Variants in SH3PXD2A observed in about 807,000 individuals in gnomAD.
SH3PXD2A encodes the protein SH3 and PX domain-containing protein 2A.
SH3PXD2A carries 32 observed loss-of-function variants against 115.2 expected under a neutral mutation model. The observed-to-expected ratio is 0.28, with a 90% CI of 0.21 to 0.37. SH3PXD2A has a LOEUF of 0.37. SH3PXD2A is among the 10% of genes least tolerant of loss of function. SH3PXD2A has a pLI of 1.00. For synonymous variants in SH3PXD2A, 610 were observed against 629.1 expected (o/e 0.97, Z 0.45); for missense variants, 1,328 against 1,498.7 (o/e 0.89, Z 1.88).
intron 2 of SH3PXD2A, among the ~76,000 whole-genome samples, chr10:103,785,525 A>G (rs1355103312): frequency 6.6e-6 from 1 of 152,140 alleles, no homozygotes; most frequent in African/African-American, 2.4e-5. Context: ...GGCCCAGGGA[A>G]GGGAGGAAGC....
chr10:103,718,241 T>C (rs1265054683), intron 5 of SH3PXD2A, among the ~76,000 whole-genome samples: 1 of 151,912 alleles, frequency 6.6e-6, no homozygotes, highest in Non-Finnish European at 1.5e-5. Flanking sequence ...GGTCTCAAAC[T>C]CCTGGGCTCA....
chr10:103,684,835 C>T (rs745782604), intron 6 of SH3PXD2A, among the ~76,000 whole-genome samples: 2 of 151,330 alleles, frequency 1.3e-5, no homozygotes, highest in Non-Finnish European at 2.9e-5. Context: ...TCAAGACCAC[C>T]CTGGGCAACA....
intron 1 of SH3PXD2A, among the ~76,000 whole-genome samples, chr10:103,851,119 T>C (rs1842892712): frequency 7.3e-6 from 1 of 137,038 alleles, no homozygotes; most frequent in African/African-American, 2.8e-5. Flanking sequence ...CTCATTCCTG[T>C]GGGGCTGGAG....
Position 103,676,462 on chromosome 10 carries a change from G to A in SH3PXD2A, c.428-7810C>T, listed in dbSNP as rs554386642. Among the ~76,000 whole-genome samples, 122 of 152,300 alleles carry A rather than the reference G, an allele frequency of 8.0e-4. 1 individual carries two copies. Among genetic ancestry groups the A allele is most frequent in the African/African-American group, 2.8e-3 (118 of 41,574 alleles). On this transcript the variant is annotated intron_variant, in intron 6 of 14. Coordinates refer to ENST00000369774, the MANE Select transcript of SH3PXD2A (RefSeq NM_001394015.1). ...CTAGGCCAAGCCTGGGGCCAGAAGG[G>A]TCAGCCCAGCCTAAGTGGGTGTGGA...
chr10:103,617,102 A>G, intron 11 of SH3PXD2A, 95 bp downstream of exon 11: 1 of 806,608 alleles, frequency 1.2e-6, no homozygotes. Context: ...AGCTGTCAGT[A>G]TCTACCTGCC....
chr10:103,804,248 G>A (rs1242066092), intron 1 of SH3PXD2A, among the ~76,000 whole-genome samples: 1 of 151,826 alleles, frequency 6.6e-6, no homozygotes, highest in Non-Finnish European at 1.5e-5. Context: ...GGGTGCCCGG[G>A]CTGAGGAGGG....
chr10:103,750,208 T>G (rs566183387), intron 3 of SH3PXD2A, among the ~76,000 whole-genome samples: 11 of 152,258 alleles, frequency 7.2e-5, no homozygotes, highest in African/African-American at 2.6e-4. Context: ...CATGATGCCA[T>G]GCCCAGCTAA....
At chr10:103,669,205 C>T (rs10883896) in intron 6 of SH3PXD2A, among the ~76,000 whole-genome samples, 35,906 of 152,124 alleles carry the variant, frequency 0.24, 4,883 homozygotes, top group Non-Finnish European at 0.3. Flanking sequence ...GAAGACAGAT[C>T]GGCCCCAGCA....
Position 103,841,188 on chromosome 10 carries a change from C to T in SH3PXD2A, c.72+14007G>A, listed in dbSNP as rs144481241. ...AGCCTTTGTCCAGGGATTTATCACA[C>T]TGATCCAGGACGCACCATGATCCAG... On this transcript the variant is annotated intron_variant, in intron 1 of 14. Coordinates refer to ENST00000369774, the MANE Select transcript of SH3PXD2A (RefSeq NM_001394015.1). 1.7e-4 allele frequency among the ~76,000 whole-genome samples: 26 copies of T among 152,290 alleles called. No homozygotes were observed. The Middle Eastern group carries it at 0.014, about 80-fold the overall frequency.
intron 3 of SH3PXD2A, chr10:103,754,715 C>A (rs7920154): frequency 0.11 from 16,027 of 152,140 alleles, 969 homozygotes; most frequent in Non-Finnish European, 0.12. Context: ...GACTCCCTCC[C>A]ACAGAATACC....
intron 5 of SH3PXD2A, among the ~76,000 whole-genome samples, chr10:103,699,477 A>G (rs1192431573): frequency 1.3e-5 from 2 of 152,264 alleles, no homozygotes; most frequent in East Asian, 3.9e-4. Flanking sequence ...TCACAGGGCT[A>G]TTGTGAGAAT....
chr10:103,721,377 C>A (rs1207336657), intron 5 of SH3PXD2A, among the ~76,000 whole-genome samples: 1 of 152,248 alleles, frequency 6.6e-6, no homozygotes, highest in Non-Finnish European at 1.5e-5. Flanking sequence ...AAAGCCATGG[C>A]CTGCTGCCTC....
At chr10:103,655,487 T>C (rs1051280854) in intron 8 of SH3PXD2A, among the ~76,000 whole-genome samples, 3 of 151,970 alleles carry the variant, frequency 2.0e-5, no homozygotes, top group Non-Finnish European at 4.4e-5. Flanking sequence ...TTTAAGACAA[T>C]GCAGGCTGGG....
chr10:103,647,722 A>C (rs1157589019), intron 8 of SH3PXD2A, among the ~76,000 whole-genome samples: 1 of 152,120 alleles, frequency 6.6e-6, no homozygotes, highest in African/African-American at 2.4e-5. Flanking sequence ...CTCTCCTACA[A>C]GGAGCAGCCA....
chr10:103,777,210 G>A (rs141070015), intron 2 of SH3PXD2A, among the ~76,000 whole-genome samples: 1 of 152,262 alleles, frequency 6.6e-6, no homozygotes, highest in Non-Finnish European at 1.5e-5. Flanking sequence ...CTGAGTAAGT[G>A]CTCCATACAC....
At chr10:103,640,285 A>C (rs1363054256) in intron 8 of SH3PXD2A, among the ~76,000 whole-genome samples, 1 of 151,796 alleles carries the variant, frequency 6.6e-6, no homozygotes, top group Non-Finnish European at 1.5e-5. Flanking sequence ...ACTGCACTGT[A>C]GCCTGGGTGA....
intron 1 of SH3PXD2A, among the ~76,000 whole-genome samples, chr10:103,838,994 AT>A (rs1420637397): frequency 6.6e-6 from 1 of 152,192 alleles, no homozygotes; most frequent in Non-Finnish European, 1.5e-5. Context: ...TGTCCAGAAC[AT>A]CAACATACAT....
rs572839854 is a variant in SH3PXD2A, at chr10:103,766,755, G to A, written c.229+339C>T. Among the ~76,000 whole-genome samples the A allele has an allele frequency of 3.7e-4, 57 of 152,344 alleles. No individual in the cohort carries two copies. In the South Asian group the frequency reaches 0.011, roughly 29 times the overall value. On this transcript the variant is annotated intron_variant, in intron 3 of 14. Coordinates refer to ENST00000369774, the MANE Select transcript of SH3PXD2A (RefSeq NM_001394015.1). Reference sequence around the variant, plus strand: ...TTATCCGTGATTAGAATGGGAGTCAGTACAAACATCTCAGCCTGCAGCTCT... The same window carrying A: ...TTATCCGTGATTAGAATGGGAGTCAATACAAACATCTCAGCCTGCAGCTCT...
intron 8 of SH3PXD2A, among the ~76,000 whole-genome samples, chr10:103,631,015 T>C (rs965995403): frequency 6.6e-6 from 1 of 152,122 alleles, no homozygotes; most frequent in African/African-American, 2.4e-5. Context: ...TTCCTATACA[T>C]ACATGCCTAT....
Sources: allele counts gnomAD v4.1 joint callset (sites outside exome capture counted in the v4.1 genomes callset), GRCh38; gene constraint gnomAD v4.1.1; transcripts MANE v1.5; gene names NCBI Gene and HGNC (gene_info 2026-07-23, HGNC 2026-07-21).